HS6ST3: variants seen among roughly 807,000 people sequenced by gnomAD.
HS6ST3 encodes the protein heparan sulfate 6-O-sulfotransferase 3.
In HS6ST3, 12 loss-of-function variants were observed where a neutral mutation model predicts 36.7. The ratio of observed to expected loss-of-function variants is 0.33; its 90% confidence interval spans 0.21 to 0.53. The LOEUF (loss-of-function observed/expected upper bound fraction) is 0.53, where lower values mean the gene tolerates loss of function less well. HS6ST3 is among the 20% of genes least tolerant of loss of function. HS6ST3 has a pLI of 0.95. For missense variants in HS6ST3, 584 were observed against 640.9 expected, an observed-to-expected ratio of 0.91 and a Z score of 0.96; for synonymous variants, 240 against 257.5, an observed-to-expected ratio of 0.93 and a Z score of 0.65.
At position 96,260,608 on chromosome 13, in the gene HS6ST3, G is replaced by A. The variant is rs971431829; in HGVS notation, c.707+169039G>A. Among the ~76,000 whole-genome samples the A allele has an allele frequency of 1.5e-4, 23 of 148,954 alleles. No homozygotes were observed. The Middle Eastern group carries it at 0.01, about 68-fold the overall frequency. On this transcript the variant is annotated intron_variant, in intron 1 of 1. Transcript: ENST00000376705. ...GCTGGGATTACAGGCAGGAGCCACC[G>A]TGCCCGGCCCTCTTTTCTTTTCTTT... is the stretch of plus-strand genomic sequence containing the variant.
At chr13:96,758,694 A>T (rs1876891863) in intron 1 of HS6ST3, among the ~76,000 whole-genome samples, 1 of 151,838 alleles carries the variant, frequency 6.6e-6, no homozygotes, top group South Asian at 2.1e-4. Context: ...TCTTATTGTC[A>T]TTGACTTCTA....
intron 1 of HS6ST3, among the ~76,000 whole-genome samples, chr13:96,095,863 G>GGTGTGTGT (rs141939376): frequency 0.055 from 7,668 of 140,278 alleles, 287 homozygotes; most frequent in African/African-American, 0.1. Flanking sequence ...TTATATGACT[G>GGTGTGTGT]GTGTGTGTGT....
rs1042061674 is a variant in HS6ST3 at position 96,836,827 on chromosome 13, C to A, written c.*3629C>A. On this transcript the variant is annotated 3_prime_UTR_variant, in exon 2 of 2. Coordinates refer to ENST00000376705, the MANE Select transcript of HS6ST3 (RefSeq NM_153456.4). ...AAGCTATTTCTCTCTTACTTAAAGG[C>A]AAACTGGTTTTACAGCTCTGGTGTG... 1.3e-5 allele frequency: 2 copies of A among 152,198 alleles called. No homozygotes were observed. The highest frequency in any genetic ancestry group is 2.9e-5 in the Non-Finnish European group (2 of 68,042). 9.4% of individuals were successfully genotyped at this position (152,198 alleles called of 1,614,324 possible). A position where few individuals can be genotyped will look rare whatever the true frequency, so the allele number is the denominator to read the frequency against.
intron 1 of HS6ST3, among the ~76,000 whole-genome samples, chr13:96,365,820 C>T (rs567193107): frequency 6.6e-6 from 1 of 152,040 alleles, no homozygotes; most frequent in African/African-American, 2.4e-5. Flanking sequence ...AATATATTTT[C>T]CAGGAAAAAA....
chr13:96,521,731 T>C lies in HS6ST3; in HGVS notation c.708-310759T>C, dbSNP rs562991302. Among the ~76,000 whole-genome samples the C allele has an allele frequency of 2.6e-5, 4 of 152,268 alleles. No individual in the cohort carries two copies. The South Asian group carries it at 8.3e-4, about 32-fold the overall frequency. ...ATCATGTTTTATTGCATCTATTTGA[T>C]TCTTCTCTCTTTTCTTCTTTATTAG... On this transcript the variant is annotated intron_variant, in intron 1 of 1. Transcript: ENST00000376705.
intron 1 of HS6ST3, among the ~76,000 whole-genome samples, chr13:96,240,562 G>A (rs2054555281): frequency 6.6e-6 from 1 of 152,162 alleles, no homozygotes; most frequent in African/African-American, 2.4e-5. Context: ...TGGGTAAAGA[G>A]GATAAAGGAA....
At chr13:96,784,416 G>A (rs1877593919) in intron 1 of HS6ST3, among the ~76,000 whole-genome samples, 1 of 152,182 alleles carries the variant, frequency 6.6e-6, no homozygotes, top group African/African-American at 2.4e-5. Context: ...ACTGGATAAA[G>A]TAACATATGC....
intron 1 of HS6ST3, among the ~76,000 whole-genome samples, chr13:96,272,699 A>G (rs1020306255): frequency 6.6e-6 from 1 of 152,012 alleles, no homozygotes; most frequent in Non-Finnish European, 1.5e-5. Context: ...TTTCATTGCA[A>G]TAGACTATAA....
chr13:96,561,039 T>C (rs1312314454), intron 1 of HS6ST3, among the ~76,000 whole-genome samples: 1 of 152,092 alleles, frequency 6.6e-6, no homozygotes, highest in Non-Finnish European at 1.5e-5. Flanking sequence ...GAAAAAAAAC[T>C]ATTCTAAAAT....
chr13:96,253,496 C>T (rs2054617325), intron 1 of HS6ST3, among the ~76,000 whole-genome samples: 1 of 152,108 alleles, frequency 6.6e-6, no homozygotes, highest in South Asian at 2.1e-4. Context: ...GATTTTTTTG[C>T]ATCATTGGTA....
chr13:96,739,768 A>G (rs1388733066), intron 1 of HS6ST3, among the ~76,000 whole-genome samples: 1 of 152,116 alleles, frequency 6.6e-6, no homozygotes, highest in Non-Finnish European at 1.5e-5. Context: ...AGCCCACCAG[A>G]ATGTAAGTTA....
At chr13:96,482,463 T>C (rs868769066) in intron 1 of HS6ST3, among the ~76,000 whole-genome samples, 4 of 152,018 alleles carry the variant, frequency 2.6e-5, no homozygotes, top group African/African-American at 7.2e-5. Context: ...TTTCTTTTTT[T>C]TTTTTTTCCG....
At chr13:96,256,890 G>T (rs776436365) in intron 1 of HS6ST3, among the ~76,000 whole-genome samples, 1 of 151,448 alleles carries the variant, frequency 6.6e-6, no homozygotes, top group Non-Finnish European at 1.5e-5. Flanking sequence ...AAATATTTAC[G>T]TCGGGACAAC....
chr13:96,467,541 A>G (rs2055820108), intron 1 of HS6ST3, among the ~76,000 whole-genome samples: 1 of 152,204 alleles, frequency 6.6e-6, no homozygotes, highest in African/African-American at 2.4e-5. Flanking sequence ...ACCATGTACA[A>G]GGCTTGTTCA....
intron 1 of HS6ST3, among the ~76,000 whole-genome samples, chr13:96,512,505 AGTG>A (rs2056053839): frequency 6.6e-6 from 1 of 152,168 alleles, no homozygotes; most frequent in Non-Finnish European, 1.5e-5. Flanking sequence ...CTTAATATCC[AGTG>A]TTCGCATTGA....
rs776259604 is a variant in HS6ST3 at position 96,091,052 on chromosome 13, G to A, written c.190G>A (p.Glu64Lys). The stretch of plus-strand genomic sequence containing the variant: ...CCGCCGGGCTCAGGCGCCGCCGGAG[G>A]AGTGGGAGCGGCGGCCCCAGTTGCC... ...PARRAQAPPE[E>K]WERRPQLPPP... The change falls in exon 1 of 2, where the codon GAG becomes AAG. Residue 64 changes from glutamate (E) to lysine (K), a missense_variant. Physicochemically the swap from Glu to Lys is moderately conservative, Grantham distance 56. Around this residue, in one of 3 missense-constraint regions of HS6ST3, gnomAD observed 217 missense variants for 205.4 expected, o/e 1.06. Transcript: ENST00000376705. The A allele has an allele frequency of 2.0e-5, 25 of 1,265,506 alleles. No individual in the cohort carries two copies. The highest frequency in any genetic ancestry group is 2.2e-5 in the Non-Finnish European group (22 of 1,008,016). 78.4% of individuals were successfully genotyped at this position (1,265,506 alleles called of 1,614,324 possible).
At chr13:96,526,004 G>A (rs1320530055) in intron 1 of HS6ST3, among the ~76,000 whole-genome samples, 1 of 152,202 alleles carries the variant, frequency 6.6e-6, no homozygotes, top group Non-Finnish European at 1.5e-5. Context: ...TACAAACTGA[G>A]TGAAGAGGAA....
intron 1 of HS6ST3, among the ~76,000 whole-genome samples, chr13:96,217,603 A>G (rs1440589986): frequency 6.6e-6 from 1 of 152,190 alleles, no homozygotes; most frequent in Admixed American, 6.5e-5. Context: ...CTTTAATTTT[A>G]CAAATGAATA....
At chr13:96,708,007 G>A (rs1875469725) in intron 1 of HS6ST3, among the ~76,000 whole-genome samples, 1 of 152,176 alleles carries the variant, frequency 6.6e-6, no homozygotes, top group Admixed American at 6.5e-5. Flanking sequence ...AGTAAGAGTT[G>A]CAAAGGAATA....
Sources: allele counts gnomAD v4.1 joint callset (sites outside exome capture counted in the v4.1 genomes callset), GRCh38; gene constraint gnomAD v4.1.1; regional missense constraint gnomAD v4.1.1; transcripts MANE v1.5; gene names NCBI Gene and HGNC (gene_info 2026-07-23, HGNC 2026-07-21).